The following AXIN1 variants were observed in gnomAD, a reference collection of about 807,000 sequenced individuals.
AXIN1 encodes the protein axin 1, also known as axin-1.
In AXIN1, 30 loss-of-function variants were observed where a neutral mutation model predicts 76.4. The observed-to-expected ratio is 0.39, with a 90% CI of 0.29 to 0.53. The LOEUF is 0.53. Among genes scored for constraint, AXIN1 ranks in the 20% least tolerant of loss-of-function variants. AXIN1 has a pLI of 0.66. For missense variants in AXIN1, 1,140 were observed against 1,198.8 expected, an observed-to-expected ratio of 0.95 and a Z score of 0.72; for synonymous variants, 545 against 501.4, an observed-to-expected ratio of 1.09 and a Z score of -1.16.
At chr16:305,073 TGCAGAAG>T (rs1165511374) in intron 4 of AXIN1, among the ~76,000 whole-genome samples, 1 of 152,144 alleles carries the variant, frequency 6.6e-6, no homozygotes, top group African/African-American at 2.4e-5. Flanking sequence ...AGGAGACGCC[TGCAGAAG>T]GTGTGAGCAG....
intron 2 of AXIN1, among the ~76,000 whole-genome samples, chr16:336,400 G>A (rs1011867030): frequency 2.0e-5 from 3 of 152,178 alleles, no homozygotes; most frequent in Admixed American, 1.3e-4. Flanking sequence ...ACTAAGGACC[G>A]AACCGTGTCG....
At chr16:330,244 C>T (rs1193939381) in intron 2 of AXIN1, among the ~76,000 whole-genome samples, 1 of 151,730 alleles carries the variant, frequency 6.6e-6, no homozygotes, top group Non-Finnish European at 1.5e-5. Flanking sequence ...CTATTTTTTT[C>T]TAGAGATGGG....
chr16:327,605 G>A (rs1029319416), intron 2 of AXIN1, among the ~76,000 whole-genome samples: 2 of 152,358 alleles, frequency 1.3e-5, no homozygotes, highest in South Asian at 2.1e-4. Flanking sequence ...CTGTCCACAG[G>A]CGCAGCACAG....
intron 5 of AXIN1, among the ~76,000 whole-genome samples, chr16:303,225 G>A (rs1004753599): frequency 5.3e-5 from 8 of 152,128 alleles, no homozygotes; most frequent in Admixed American, 3.9e-4. Context: ...ACTCCAGCCG[G>A]CCTGCGCACT....
intron 9 of AXIN1, chr16:290,869 G>C (rs976476168): frequency 1.5e-5 from 7 of 454,748 alleles, no homozygotes; most frequent in Non-Finnish European, 2.9e-5. Context: ...AAGCCGGGTG[G>C]AGGCGCAGGC....
At position 346,315 on chromosome 16, in the gene AXIN1, G is replaced by A. The variant is rs747882314; in HGVS notation, c.711C>T (p.Tyr237=). 3 of 1,614,086 alleles carry A rather than the reference G, an allele frequency of 1.9e-6. No individual in the cohort carries two copies. Among genetic ancestry groups the A allele is most frequent in the South Asian group, 2.2e-5 (2 of 91,090 alleles). Residue 237 remains tyrosine, a synonymous_variant, in exon 2 of 11, where the codon TAC becomes TAT. Transcript: ENST00000262320. ...GSGTGKGISG[Y]LPTLNEDEEW... is the part of the protein sequence containing the mutation. ...CCTCATCTTCATTTAAGGTCGGCAG[G>A]TATCCAGATATGCCCTTCCCTGTCC...
At chr16:290,068 CA>C in intron 9 of AXIN1, 1 of 247,288 alleles carries the variant, frequency 4.0e-6, no homozygotes, top group South Asian at 5.0e-5. Context: ...GGGTGGCCAG[CA>C]GGCCCTTCAG....
chr16:320,735 A>ATTTT (rs1418979467), intron 2 of AXIN1, among the ~76,000 whole-genome samples: 169 of 76,134 alleles, frequency 2.2e-3, no homozygotes, highest in Middle Eastern at 5.4e-3. Flanking sequence ...ATATATATAT[A>ATTTT]TATATATATT....
intron 1 of AXIN1, among the ~76,000 whole-genome samples, chr16:351,480 C>A (rs8061234): frequency 0.25 from 37,637 of 152,016 alleles, 4,808 homozygotes; most frequent in South Asian, 0.32. Context: ...TGTGGTGGCG[C>A]ATGCCTGTTA....
intron 8 of AXIN1, chr16:292,580 CAGG>C (rs1596977254): frequency 1.3e-5 from 2 of 152,350 alleles, no homozygotes; most frequent in East Asian, 1.9e-4. Context: ...CCAAGGTGGA[CAGG>C]AGGAGCTGGT....
Position 310,819 on chromosome 16 carries a change from GT to G in AXIN1, c.1020-751del, listed in dbSNP as rs1299523216. The stretch of plus-strand genomic sequence containing the variant: ...GGGAAACGTTTGCTGGCCCCTGCTT[GT>G]GGCCTAGACCACTGTGCAGTGTGCC... On this transcript the variant is annotated intron_variant, in intron 3 of 10. Transcript: ENST00000262320. Among the ~76,000 whole-genome samples, 15 of 152,370 alleles carry G rather than the reference GT, an allele frequency of 9.8e-5. 1 individual carries two copies. Among genetic ancestry groups the G allele is most frequent in the African/African-American group, 3.6e-4 (15 of 41,592 alleles).
intron 10 of AXIN1, 100 bp downstream of exon 10, chr16:289,340 A>G (rs1382154468): frequency 1.3e-6 from 2 of 1,490,804 alleles, no homozygotes; most frequent in Admixed American, 1.7e-5. Flanking sequence ...TGCCAGGATT[A>G]GGACGTGAGC....
Position 346,661 on chromosome 16 carries a change from G to A in AXIN1, c.365C>T (p.Thr122Ile), listed in dbSNP as rs2141705568. 1.9e-6 allele frequency: 3 copies of A among 1,572,998 alleles called. No individual in the cohort carries two copies. Among genetic ancestry groups the A allele is most frequent in the Non-Finnish European group, 2.6e-6 (3 of 1,160,212 alleles). Residue 122 changes from threonine to isoleucine, a missense_variant, in exon 2 of 11, where the codon ACT becomes ATT. By Grantham distance (89) the Thr-to-Ile change is moderately conservative (BLOSUM62 -1). This residue lies in a region of AXIN1 where 708 missense variants were observed against 776.9 expected (regional missense o/e 0.91). Transcript: ENST00000262320. The part of the protein sequence containing the change: ...ADLLDFWFAC[T>I]GFRKLEPCDS... ...ACAGGGCTCCAGCTTCCTGAAGCCA[G>A]TGCAGGCAAACCAGAAGTCCAGCAA...
chr16:344,905 G>C (rs935822387), intron 2 of AXIN1, among the ~76,000 whole-genome samples: 1 of 152,160 alleles, frequency 6.6e-6, no homozygotes, highest in Admixed American at 6.5e-5. Context: ...AAGAACTAAT[G>C]CGAGTTTTTA....
chr16:316,170 T>C (rs2053297785), intron 2 of AXIN1, among the ~76,000 whole-genome samples: 3 of 152,242 alleles, frequency 2.0e-5, no homozygotes, highest in Admixed American at 2.0e-4. Context: ...TATTCTATTT[T>C]TCTTTATATG....
At chr16:310,489 C>T (rs1306552536) in intron 3 of AXIN1, among the ~76,000 whole-genome samples, 7 of 152,232 alleles carry the variant, frequency 4.6e-5, no homozygotes, top group East Asian at 1.9e-4. Flanking sequence ...CTCCACCTCC[C>T]GGGTTCACGC....
intron 5 of AXIN1, chr16:299,120 ATGT>A: frequency 1.0e-6 from 1 of 985,432 alleles, no homozygotes. Flanking sequence ...GGTTATGTAC[ATGT>A]TGTGATGCTG....
intron 5 of AXIN1, chr16:299,346 G>A: frequency 1.6e-6 from 1 of 617,350 alleles, no homozygotes; most frequent in Non-Finnish European, 2.0e-6. Flanking sequence ...AAGTTACCAT[G>A]TATCTATGTA....
chr16:349,660 G>C (rs900907331), intron 1 of AXIN1, among the ~76,000 whole-genome samples: 11 of 152,164 alleles, frequency 7.2e-5, no homozygotes, highest in Non-Finnish European at 4.4e-5. Context: ...GCAACTAACG[G>C]GCACCAGTAA....
Sources: allele counts gnomAD v4.1 joint callset (sites outside exome capture counted in the v4.1 genomes callset), GRCh38; gene constraint gnomAD v4.1.1; regional missense constraint gnomAD v4.1.1; transcripts MANE v1.5; gene names NCBI Gene and HGNC (gene_info 2026-07-23, HGNC 2026-07-21).